Variants in CSTL1 observed in about 807,000 individuals in gnomAD.
The protein encoded by CSTL1 is cystatin like 1, also known as cystatin-like 1.
In CSTL1, 14 loss-of-function variants were observed where a neutral mutation model predicts 14.4. The ratio of observed to expected loss-of-function variants is 0.97; its 90% CI spans 0.64 to 1.52. The LOEUF (loss-of-function observed/expected upper bound fraction) is 1.52. Ranked by LOEUF, CSTL1 falls within the 40% of genes most tolerant of loss-of-function variation. CSTL1 has a pLI of 0.00. For missense variants in CSTL1, 170 were observed against 168.7 expected, an observed-to-expected ratio of 1.01 and a Z score of -0.04; for synonymous variants, 72 against 67.5, an observed-to-expected ratio of 1.07 and a Z score of -0.33.
intron 1 of CSTL1, 128 bp from the exon 2 acceptor site, chr20:23,440,016 A>G (rs1986787376): frequency 2.0e-6 from 1 of 509,212 alleles, no homozygotes; most frequent in East Asian, 3.6e-5. Flanking sequence ...TGCACGCCTT[A>G]GCAGGTGTTT....
chr20:23,461,130 C>T, the CSTL1 span, among the ~76,000 whole-genome samples: 469 of 152,314 alleles, frequency 3.1e-3, 1 homozygote, highest in African/African-American at 0.011. Flanking sequence ...AGGCAAGACC[C>T]TCCATCAGCA....
At chr20:23,451,034 T>G in the CSTL1 span, among the ~76,000 whole-genome samples, 1 of 152,028 alleles carries the variant, frequency 6.6e-6, no homozygotes, top group Non-Finnish European at 1.5e-5. Flanking sequence ...CCATCCCCCA[T>G]CCATCCATTT....
chr20:23,444,190 G>A, intron 3 of CSTL1, 146 bp downstream of exon 3: 1 of 666,494 alleles, frequency 1.5e-6, no homozygotes, highest in Non-Finnish European at 2.6e-6. Flanking sequence ...TGAGGCACCT[G>A]GGTGAAGGAG....
chr20:23,439,728 G>C lies in CSTL1; in HGVS notation c.-203G>C. On this transcript the variant is annotated 5_prime_UTR_variant, in exon 1 of 4. Coordinates refer to ENST00000347397, the MANE Select transcript of CSTL1 (RefSeq NM_138283.1). ...GAAATCTGTGGTGGGCGGGCGGCAG[G>C]TGAGCAAGGAGAACGTGTCTGTAAA... The C allele has an allele frequency of 6.1e-6, 1 of 162,816 alleles. No individual in the cohort carries two copies. The highest frequency in any genetic ancestry group is 1.4e-5 in the Non-Finnish European group (1 of 73,712). 10.1% of individuals were successfully genotyped at this position (162,816 alleles called of 1,614,324 possible).
the CSTL1 span, among the ~76,000 whole-genome samples, chr20:23,460,730 T>C: frequency 2.1e-4 from 32 of 152,260 alleles, no homozygotes; most frequent in Non-Finnish European, 3.8e-4. Context: ...TCATTTTACT[T>C]AAGATAACAC....
At chr20:23,446,827 CT>C (rs986374432), downstream of CSTL1, among the ~76,000 whole-genome samples, 2 of 152,186 alleles carry the variant, frequency 1.3e-5, no homozygotes, top group Non-Finnish European at 2.9e-5. Flanking sequence ...ATAATGGCAA[CT>C]TGAGGGAGTA....
At chr20:23,460,711 C>T in the CSTL1 span, among the ~76,000 whole-genome samples, 1 of 152,054 alleles carries the variant, frequency 6.6e-6, no homozygotes, top group African/African-American at 2.4e-5. Context: ...CAAAAAATGT[C>T]GGGAATCCTC....
At chr20:23,449,816 C>G (rs893695522), downstream of CSTL1, among the ~76,000 whole-genome samples, 1 of 152,194 alleles carries the variant, frequency 6.6e-6, no homozygotes, top group African/African-American at 2.4e-5. Flanking sequence ...CCAGGTCTGC[C>G]TCCTTCACGG....
Position 23,444,888 on chromosome 20 carries a change from T to A in CSTL1, c.*10T>A, listed in dbSNP as rs746460704. ...CAGAAACCTCAGATGAGGGCTCATA[T>A]GATTGAGTTGTGCACTGGCTGTTAT... is the stretch of plus-strand genomic sequence containing the variant. On this transcript the variant is annotated 3_prime_UTR_variant, in exon 4 of 4. Coordinates refer to ENST00000347397, the MANE Select transcript of CSTL1 (RefSeq NM_138283.1). The A allele has an allele frequency of 4.5e-6, 7 of 1,572,628 alleles. No homozygotes were observed. In the South Asian group the frequency reaches 7.8e-5, roughly 17 times the overall value.
At chr20:23,440,113 G>A (rs916621167) in intron 1 of CSTL1, 31 bp from the exon 2 acceptor site, 9 of 688,342 alleles carry the variant, frequency 1.3e-5, no homozygotes, top group Non-Finnish European at 2.2e-5. Flanking sequence ...TGAGTGACAA[G>A]GTTCAGGTCT....
the CSTL1 span, among the ~76,000 whole-genome samples, chr20:23,453,995 GAC>G: frequency 6.7e-6 from 1 of 148,908 alleles, no homozygotes; most frequent in South Asian, 2.1e-4. Context: ...GAAATATACA[GAC>G]ACACACACCT....
downstream of CSTL1, among the ~76,000 whole-genome samples, chr20:23,448,067 G>A (rs577962813): frequency 5.9e-5 from 9 of 151,722 alleles, no homozygotes; most frequent in African/African-American, 2.2e-4. Flanking sequence ...GGGTTTTTGG[G>A]AACAGGTGCT....
Position 23,443,980 on chromosome 20 carries a change from C to T in CSTL1, c.266C>T (p.Thr89Ile). The change falls in exon 3 of 4, where the codon ACC becomes ATC. Residue 89 changes from threonine (T) to isoleucine (I), a missense_variant. Physicochemically the swap from Thr to Ile is moderately conservative, Grantham distance 89. Transcript: ENST00000347397. ...EYIVTVKIGW[T>I]KCKRNDTSNS... ...ATAGTCACTGTGAAGATTGGCTGGA[C>T]CAAATGCAAGAGGAATGACACGAGC... 6.2e-7 allele frequency: 1 copy of T among 1,614,096 alleles called. No homozygotes were observed. The highest frequency in any genetic ancestry group is 8.5e-7 in the Non-Finnish European group (1 of 1,179,970).
intron 1 of CSTL1, 138 bp downstream of exon 1, chr20:23,439,944 C>T (rs1044646077): frequency 5.4e-6 from 2 of 368,500 alleles, no homozygotes; most frequent in Non-Finnish European, 1.0e-5. Context: ...TATTGCAGAG[C>T]ACTGTAGGGG....
downstream of CSTL1, among the ~76,000 whole-genome samples, chr20:23,448,346 G>C (rs1987007421): frequency 6.6e-6 from 1 of 152,180 alleles, no homozygotes; most frequent in South Asian, 2.1e-4. Context: ...AGACAGGAGT[G>C]GGCACCCAGG....
intron 2 of CSTL1, chr20:23,440,745 A>T: frequency 2.0e-6 from 1 of 510,622 alleles, no homozygotes; most frequent in Non-Finnish European, 3.6e-6. Flanking sequence ...GTGTTCACTG[A>T]GGATTAAACT....
the CSTL1 span, chr20:23,450,467 T>C: frequency 2.2e-6 from 3 of 1,344,492 alleles, no homozygotes; most frequent in South Asian, 1.4e-5. Context: ...TGCAGGATTC[T>C]CTCACATGCA....
At position 23,440,607 on chromosome 20, in the gene CSTL1, G is replaced by A. The variant is rs78321973; in HGVS notation, c.219+121G>A. ...TGGTCCTCCGTGAGGTCCCAAGGGG[G>A]AAGCATCTTCACTTGTAGCAGGTAC... On this transcript the variant is annotated intron_variant, in intron 2 of 3. Transcript: ENST00000347397. The A allele has an allele frequency of 5.8e-3, 4,599 of 791,508 alleles. 148 individuals are homozygous for A. The African/African-American group carries it at 0.065, about 11-fold the overall frequency. The allele number at this position is 791,508 out of a possible 1,614,324, so 49.0% of individuals were successfully genotyped here.
At chr20:23,460,464 A>G in the CSTL1 span, among the ~76,000 whole-genome samples, 1 of 152,142 alleles carries the variant, frequency 6.6e-6, no homozygotes, top group South Asian at 2.1e-4. Context: ...TACCCACCCC[A>G]TTTGTTGAAT....
Sources: allele counts gnomAD v4.1 joint callset (sites outside exome capture counted in the v4.1 genomes callset), GRCh38; gene constraint gnomAD v4.1.1; transcripts MANE v1.5; gene names NCBI Gene and HGNC (gene_info 2026-07-23, HGNC 2026-07-21).